The following IFT81 variants were observed in gnomAD, a reference collection of about 807,000 sequenced individuals.
The protein encoded by IFT81 is intraflagellar transport 81.
A neutral mutation model predicts 102.6 loss-of-function variants in IFT81; 72 were observed. The ratio of observed to expected loss-of-function variants is 0.70; its 90% confidence interval spans 0.58 to 0.85. The LOEUF (loss-of-function observed/expected upper bound fraction) is 0.85, where lower values mean the gene tolerates loss of function less well. Among genes scored for constraint, IFT81 ranks in the 40% least tolerant of loss-of-function variants. The pLI is 0.00. For synonymous variants in IFT81, 237 were observed against 242.7 expected (o/e 0.98, Z 0.22); for missense variants, 723 against 787.3 (o/e 0.92, Z 0.98).
intron 10 of IFT81, among the ~76,000 whole-genome samples, chr12:110,151,692 C>G (rs1014487522): frequency 6.6e-6 from 1 of 152,154 alleles, no homozygotes; most frequent in Non-Finnish European, 1.5e-5. Context: ...CATCTATCCT[C>G]TTAACAATTT....
At chr12:110,178,772 C>CCAT in intron 11 of IFT81, among the ~76,000 whole-genome samples, 1 of 494 alleles carries the variant, frequency 2.0e-3, no homozygotes, top group Non-Finnish European at 4.7e-3. Flanking sequence ...CATGCCACTA[C>CCAT]GCCCGGCTAA....
intron 8 of IFT81, among the ~76,000 whole-genome samples, chr12:110,142,899 T>C (rs1227629670): frequency 6.6e-6 from 1 of 151,624 alleles, no homozygotes; most frequent in Non-Finnish European, 1.5e-5. Flanking sequence ...CAAGACCCTA[T>C]CTCAAAAAAA....
At chr12:110,142,844 A>G (rs894347539) in intron 8 of IFT81, among the ~76,000 whole-genome samples, 1 of 152,202 alleles carries the variant, frequency 6.6e-6, no homozygotes, top group African/African-American at 2.4e-5. Context: ...TTTAGGTTGC[A>G]GTGAGCTGAG....
Position 110,135,308 on chromosome 12 carries a change from A to T in IFT81, c.586-19A>T, listed in dbSNP as rs918925722. 6.7e-7 allele frequency: 1 copy of T among 1,486,830 alleles called. No homozygotes were observed. Among genetic ancestry groups the T allele is most frequent in the Non-Finnish European group, 9.3e-7 (1 of 1,076,386 alleles). The allele number at this position is 1,486,830 out of a possible 1,614,324, so 92.1% of individuals were successfully genotyped here. A position where few individuals can be genotyped will look rare whatever the true frequency, so the allele number is the denominator to read the frequency against. Reference sequence around the variant, plus strand: ...TTCAAACCTGACAGTAACATGTACTACTTATTCCCTTACTGTAGGTTGAGA... The same window carrying T: ...TTCAAACCTGACAGTAACATGTACTTCTTATTCCCTTACTGTAGGTTGAGA... On this transcript the variant is annotated intron_variant, in intron 6 of 18. Coordinates refer to ENST00000242591, the MANE Select transcript of IFT81 (RefSeq NM_014055.4).
intron 14 of IFT81, among the ~76,000 whole-genome samples, chr12:110,202,864 TTTAG>T (rs1309595691): frequency 6.6e-6 from 1 of 152,150 alleles, no homozygotes; most frequent in East Asian, 1.9e-4. Flanking sequence ...CGTTTTGAGA[TTTAG>T]TTATTGTCAG....
chr12:110,142,496 G>T (rs906054402), intron 8 of IFT81, among the ~76,000 whole-genome samples: 3 of 152,202 alleles, frequency 2.0e-5, no homozygotes, highest in Non-Finnish European at 2.9e-5. Flanking sequence ...TTAACTTGTG[G>T]TGCTTTTAGT....
chr12:110,161,609 A>AT lies in IFT81; in HGVS notation c.1042-1300dup, dbSNP rs1200318803. ...CAGGTGTGCATCACAACACTCAGCT[A>AT]TTTTTTTTTTATTATTTATTTTTTT... On this transcript the variant is annotated intron_variant, in intron 10 of 18. Transcript: ENST00000242591. Among the ~76,000 whole-genome samples, 172 of 148,308 alleles carry AT rather than the reference A, an allele frequency of 1.2e-3. 1 individual carries two copies. The highest frequency in any genetic ancestry group is 3.5e-3 in the African/African-American group (141 of 40,416).
chr12:110,153,974 G>A (rs777325467), intron 10 of IFT81, among the ~76,000 whole-genome samples: 6 of 151,490 alleles, frequency 4.0e-5, no homozygotes, highest in Admixed American at 6.6e-5. Flanking sequence ...TCAGGACCAG[G>A]GCTTTTCTTT....
intron 13 of IFT81, among the ~76,000 whole-genome samples, chr12:110,191,753 T>C (rs1261304755): frequency 6.6e-6 from 1 of 152,230 alleles, no homozygotes; most frequent in African/African-American, 2.4e-5. Flanking sequence ...TTATATTACT[T>C]GTTGGTAAAT....
intron 1 of IFT81, 115 bp from the exon 2 acceptor site, chr12:110,127,245 T>C (rs2137289362): frequency 1.0e-6 from 1 of 1,001,080 alleles, no homozygotes. Flanking sequence ...CAGCATTTTG[T>C]ATGCCATGTA....
intron 11 of IFT81, among the ~76,000 whole-genome samples, chr12:110,177,700 G>A (rs780010543): frequency 1.3e-5 from 2 of 152,140 alleles, no homozygotes; most frequent in Non-Finnish European, 2.9e-5. Flanking sequence ...GTATACTCAG[G>A]AATCAAGTAT....
chr12:110,141,936 A>G (rs933580926), intron 8 of IFT81, among the ~76,000 whole-genome samples: 1 of 152,216 alleles, frequency 6.6e-6, no homozygotes, highest in Non-Finnish European at 1.5e-5. Context: ...GTAAATGGAA[A>G]GATATGAAAT....
At chr12:110,213,095 C>T (rs190576455) in intron 18 of IFT81, among the ~76,000 whole-genome samples, 1 of 152,068 alleles carries the variant, frequency 6.6e-6, no homozygotes, top group African/African-American at 2.4e-5. Flanking sequence ...TACCATTATC[C>T]TACCGAAAAG....
At chr12:110,188,758 A>T (rs1168373685) in intron 12 of IFT81, among the ~76,000 whole-genome samples, 2 of 148,606 alleles carry the variant, frequency 1.3e-5, no homozygotes, top group Non-Finnish European at 1.5e-5. Context: ...CCCTATCTCT[A>T]CTAAAAATAC....
chr12:110,182,604 T>C (rs777696423), intron 12 of IFT81, among the ~76,000 whole-genome samples: 9 of 152,174 alleles, frequency 5.9e-5, no homozygotes, highest in Non-Finnish European at 1.3e-4. Context: ...GAGTCCTAAA[T>C]ATATTTCTTT....
At chr12:110,181,739 T>C (rs1377333613) in intron 12 of IFT81, among the ~76,000 whole-genome samples, 1 of 152,234 alleles carries the variant, frequency 6.6e-6, no homozygotes, top group East Asian at 1.9e-4. Flanking sequence ...TATGGCTTTG[T>C]TGCTTTTTTT....
In IFT81 at chr12:110,166,377, G is replaced by T. The variant is rs1257375217; in HGVS notation, c.1188+3312G>T. On this transcript the variant is annotated intron_variant, in intron 11 of 18. Transcript: ENST00000242591. ...AAATGGAATAAGATAGCATTAATGA[G>T]AATAATTCTAGCTGCCATTCTCTGA... is the stretch of plus-strand genomic sequence containing the variant. 5.3e-5 allele frequency among the ~76,000 whole-genome samples: 8 copies of T among 152,250 alleles called. No homozygotes were observed. The East Asian group carries it at 1.5e-3, about 29-fold the overall frequency.
Position 110,135,384 on chromosome 12 carries a change from GAA to G in IFT81, c.647_648del (p.Lys216ArgfsTer44). 1 of 1,612,920 alleles carries G rather than the reference GAA, an allele frequency of 6.2e-7. No individual in the cohort carries two copies. Among genetic ancestry groups the G allele is most frequent in the African/African-American group, 1.3e-5 (1 of 74,922 alleles). ...TAAAATAGCAAGGCAACTTCGAGTT[GAA>G]AAAGAGAGAGAAGAATATCTTGCAC... Reference protein sequence around the residue: ...MLKIARQLRVEKEREEYLAQQ... With the variant: ...MLKIARQLRVXKEREEYLAQQ... On this transcript the variant is annotated frameshift_variant, in exon 7 of 19. Coordinates refer to ENST00000242591, the MANE Select transcript of IFT81 (RefSeq NM_014055.4). LOFTEE classifies it high-confidence loss of function.
At chr12:110,198,903 G>A (rs937415900) in intron 14 of IFT81, among the ~76,000 whole-genome samples, 3 of 150,934 alleles carry the variant, frequency 2.0e-5, no homozygotes, top group Non-Finnish European at 2.9e-5. Flanking sequence ...TCCGTGTCCC[G>A]GGTTCAAGCC....
Sources: allele counts gnomAD v4.1 joint callset (sites outside exome capture counted in the v4.1 genomes callset), GRCh38; gene constraint gnomAD v4.1.1; transcripts MANE v1.5; gene names NCBI Gene and HGNC (gene_info 2026-07-23, HGNC 2026-07-21).